The following ROR2 variants were observed in gnomAD, a reference collection of about 807,000 sequenced individuals.
ROR2 encodes ROR family WNT receptor 2.
ROR2 carries 33 observed loss-of-function variants against 74.9 expected under a neutral mutation model. The ratio of observed to expected loss-of-function variants is 0.44; its 90% CI spans 0.33 to 0.59. The LOEUF (loss-of-function observed/expected upper bound fraction) is 0.59. Ranked by LOEUF, ROR2 falls within the 20% of genes least tolerant of loss-of-function variation. The pLI is 0.02. For synonymous variants in ROR2, 586 were observed against 558.7 expected (o/e 1.05, Z -0.69); for missense variants, 1,216 against 1,313.8 (o/e 0.93, Z 1.15).
intron 1 of ROR2, among the ~76,000 whole-genome samples, chr9:91,915,948 G>A (rs1015276829): frequency 6.6e-6 from 1 of 152,200 alleles, no homozygotes; most frequent in Admixed American, 6.5e-5. Context: ...CTCAAAATGA[G>A]GGGCAGGCGA....
At chr9:91,796,866 T>G (rs1268934812) in intron 1 of ROR2, among the ~76,000 whole-genome samples, 1 of 101,772 alleles carries the variant, frequency 9.8e-6, no homozygotes, top group African/African-American at 4.6e-5. Flanking sequence ...GCTGACACCC[T>G]GGCTCTGTGG....
At chr9:91,837,886 C>T (rs1206485033) in intron 1 of ROR2, among the ~76,000 whole-genome samples, 1 of 152,202 alleles carries the variant, frequency 6.6e-6, no homozygotes, top group South Asian at 2.1e-4. Flanking sequence ...CACGTGTTCA[C>T]ACATTCTAAG....
chr9:91,732,239 T>A (rs148206371), intron 6 of ROR2, among the ~76,000 whole-genome samples: 3 of 152,320 alleles, frequency 2.0e-5, no homozygotes, highest in Non-Finnish European at 4.4e-5. Flanking sequence ...ATGGATGCAG[T>A]GATGTCAGCC....
rs760565576 is a variant in ROR2, at chr9:91,745,206, AC to A, written c.495-7689del. Among the ~76,000 whole-genome samples the A allele has an allele frequency of 4.0e-5, 6 of 151,890 alleles. No individual in the cohort carries two copies. The East Asian group carries it at 1.2e-3, about 29-fold the overall frequency. On this transcript the variant is annotated intron_variant, in intron 4 of 8. Transcript: ENST00000375708. ...AGTGGCGCGATCTCGGCTCACTGCA[AC>A]CTCCACCTCCTGGGTTCAAGCAATT...
chr9:91,934,577 C>T (rs1416731533), intron 1 of ROR2, among the ~76,000 whole-genome samples: 2 of 152,030 alleles, frequency 1.3e-5, no homozygotes, highest in Non-Finnish European at 2.9e-5. Context: ...CAACGTATAC[C>T]CTCATTTGGC....
intron 1 of ROR2, among the ~76,000 whole-genome samples, chr9:91,885,313 G>C (rs1049426781): frequency 1.0e-3 from 158 of 152,280 alleles, no homozygotes; most frequent in Non-Finnish European, 2.0e-3. Flanking sequence ...TTGGGGGTTG[G>C]GGGGCGGTAG....
chr9:91,738,799 G>A (rs974379926), intron 4 of ROR2, among the ~76,000 whole-genome samples: 4 of 152,168 alleles, frequency 2.6e-5, no homozygotes, highest in Non-Finnish European at 4.4e-5. Context: ...GGAGAGACAC[G>A]GACAGGCTGT....
chr9:91,920,682 C>T (rs10116326), intron 1 of ROR2, among the ~76,000 whole-genome samples: 1 of 151,972 alleles, frequency 6.6e-6, no homozygotes, highest in Admixed American at 6.6e-5. Flanking sequence ...ATCGACAAAG[C>T]AAATGAAGAT....
At chr9:91,927,013 G>A (rs555966839) in intron 1 of ROR2, among the ~76,000 whole-genome samples, 28 of 152,204 alleles carry the variant, frequency 1.8e-4, no homozygotes, top group African/African-American at 6.3e-4. Context: ...TATGTTTTGT[G>A]TATTTTAATA....
chr9:91,867,656 CTGTGTGTGTGTGTGTG>C (rs57475950), intron 1 of ROR2, among the ~76,000 whole-genome samples: 58 of 131,382 alleles, frequency 4.4e-4, no homozygotes, highest in East Asian at 1.3e-3. Flanking sequence ...CACCCATGAG[CTGTGTGTGTGTGTGTG>C]TGTGTGTGTG....
At chr9:91,806,652 C>G (rs374162824) in intron 1 of ROR2, among the ~76,000 whole-genome samples, 1 of 152,148 alleles carries the variant, frequency 6.6e-6, no homozygotes, top group Non-Finnish European at 1.5e-5. Context: ...TGCAGTGGCA[C>G]GATCTCAGCT....
intron 1 of ROR2, among the ~76,000 whole-genome samples, chr9:91,802,067 G>GTTTTTTTTTTTTTTTTTTTTTTTTTTT (rs60111555): frequency 9.6e-6 from 1 of 103,694 alleles, no homozygotes; most frequent in Non-Finnish European, 2.0e-5. Flanking sequence ...TTTGGAAGGT[G>GTTTTTTTTTTTTTTTTTTTTTTTTTTT]TTTTTTTTTT....
chr9:91,935,993 G>A (rs541864532), intron 1 of ROR2, among the ~76,000 whole-genome samples: 2 of 152,282 alleles, frequency 1.3e-5, no homozygotes, highest in East Asian at 3.9e-4. Flanking sequence ...AGCACCCACC[G>A]CCTCCAGCCA....
chr9:91,732,520 C>T (rs959444816), intron 6 of ROR2, among the ~76,000 whole-genome samples: 1 of 152,166 alleles, frequency 6.6e-6, no homozygotes, highest in Non-Finnish European at 1.5e-5. Flanking sequence ...GAAAGGTGCA[C>T]GGTGCTTCCC....
At chr9:91,746,373 GGCCTGGCCTGGTTT>G (rs1331799675) in intron 4 of ROR2, among the ~76,000 whole-genome samples, 1 of 152,164 alleles carries the variant, frequency 6.6e-6, no homozygotes, top group Non-Finnish European at 1.5e-5. Flanking sequence ...CACCATGCCT[GGCCTGGCCTGGTTT>G]CTGCTCACGT....
At chr9:91,755,856 A>G in intron 4 of ROR2, 1 of 620,412 alleles carries the variant, frequency 1.6e-6, no homozygotes, top group South Asian at 2.0e-5. Context: ...GAAATTAACC[A>G]TTTTTGTTTT....
Position 91,722,853 on chromosome 9 carries a change from C to G in ROR2, c.*809G>C. 1 of 535,390 alleles carries G rather than the reference C, an allele frequency of 1.9e-6. No individual in the cohort carries two copies. The highest frequency in any genetic ancestry group is 3.4e-6 in the Non-Finnish European group (1 of 297,962). The allele number at this position is 535,390 out of a possible 1,614,324, so 33.2% of individuals were successfully genotyped here. ...TTCAATGAAAATGGCATATTAAAAA[C>G]ATATAAATTACATTTAAGCTCTGTA... On this transcript the variant is annotated 3_prime_UTR_variant, in exon 9 of 9. Coordinates refer to ENST00000375708, the MANE Select transcript of ROR2 (RefSeq NM_004560.4).
chr9:91,861,085 G>A (rs980181735), intron 1 of ROR2, among the ~76,000 whole-genome samples: 10 of 152,110 alleles, frequency 6.6e-5, no homozygotes, highest in Admixed American at 1.3e-4. Context: ...TGAAAACTAC[G>A]AACATTGTTG....
intron 1 of ROR2, among the ~76,000 whole-genome samples, chr9:91,884,771 T>C (rs773268342): frequency 6.6e-6 from 1 of 152,090 alleles, no homozygotes; most frequent in Non-Finnish European, 1.5e-5. Context: ...GCAAAATTTT[T>C]TAGTCTTTTT....
Sources: allele counts gnomAD v4.1 joint callset (sites outside exome capture counted in the v4.1 genomes callset), GRCh38; gene constraint gnomAD v4.1.1; transcripts MANE v1.5; gene names NCBI Gene and HGNC (gene_info 2026-07-23, HGNC 2026-07-21).